TRAPPC9: variants seen among roughly 807,000 people sequenced by gnomAD.
TRAPPC9 encodes the protein IKK2 binding protein.
A neutral mutation model predicts 124.0 loss-of-function variants in TRAPPC9; 83 were observed. The ratio of observed to expected loss-of-function variants is 0.67; its 90% CI spans 0.56 to 0.80. TRAPPC9 has a LOEUF of 0.80. TRAPPC9 is among the 30% of genes least tolerant of loss of function. The probability of loss-of-function intolerance (pLI) is 0.00; values close to 1 mark genes in which losing one functional copy is unlikely to be tolerated. For missense variants in TRAPPC9, 1,302 were observed against 1,508.3 expected (o/e 0.86, Z 2.27); for synonymous variants, 638 against 617.5 (o/e 1.03, Z -0.49).
intron 21 of TRAPPC9, among the ~76,000 whole-genome samples, chr8:139,791,048 G>A (rs574171146): frequency 1.1e-3 from 173 of 152,186 alleles, no homozygotes; most frequent in Non-Finnish European, 1.9e-3. Context: ...GCAGAACCAC[G>A]AGCCAATTCA....
intron 19 of TRAPPC9, among the ~76,000 whole-genome samples, chr8:139,929,290 G>A (rs1032647558): frequency 6.6e-6 from 1 of 152,232 alleles, no homozygotes; most frequent in Non-Finnish European, 1.5e-5. Context: ...ACAGCACAGA[G>A]TGGATGATCA....
At position 140,455,721 on chromosome 8, in the gene TRAPPC9, G is replaced by T. The variant is rs181665596; in HGVS notation, c.-11+1918C>A. ...TGGGATTACAGGCGTGAGCCACCATGCCTGGCCAGGCACAGCATTATTCTT... is the reference window on the plus strand; with the variant it reads ...TGGGATTACAGGCGTGAGCCACCATTCCTGGCCAGGCACAGCATTATTCTT... On this transcript the variant is annotated intron_variant, in intron 1 of 22. Coordinates refer to ENST00000438773, the MANE Select transcript of TRAPPC9 (RefSeq NM_001160372.4). Among the ~76,000 whole-genome samples the T allele has an allele frequency of 5.3e-5, 8 of 152,262 alleles. No individual in the cohort carries two copies. In the East Asian group the frequency reaches 1.4e-3, roughly 26 times the overall value.
At chr8:140,387,613 C>G (rs1344586399) in intron 7 of TRAPPC9, among the ~76,000 whole-genome samples, 1 of 152,168 alleles carries the variant, frequency 6.6e-6, no homozygotes, top group Non-Finnish European at 1.5e-5. Context: ...AGCCAACAGA[C>G]ACATGAAAAA....
intron 17 of TRAPPC9, among the ~76,000 whole-genome samples, chr8:140,200,083 G>C (rs1232968144): frequency 1.3e-5 from 2 of 152,304 alleles, no homozygotes; most frequent in East Asian, 3.9e-4. Context: ...AGTCAACGAA[G>C]AGTAGCTGGT....
intron 15 of TRAPPC9, among the ~76,000 whole-genome samples, chr8:140,273,503 G>T (rs139373438): frequency 4.0e-4 from 61 of 152,336 alleles, no homozygotes; most frequent in African/African-American, 1.4e-3. Context: ...AAATGCAGGT[G>T]AGGCTTGCAG....
intron 17 of TRAPPC9, among the ~76,000 whole-genome samples, chr8:140,076,752 T>A (rs1400109941): frequency 6.6e-6 from 1 of 152,250 alleles, no homozygotes; most frequent in East Asian, 1.9e-4. Flanking sequence ...CAAGCTGCTA[T>A]GAGTTCATCC....
intron 18 of TRAPPC9, among the ~76,000 whole-genome samples, chr8:139,989,228 A>G (rs1176015661): frequency 1.3e-5 from 2 of 152,192 alleles, no homozygotes; most frequent in Admixed American, 1.3e-4. Context: ...AGTGCCATTC[A>G]AGGATGCTGT....
Position 140,457,723 on chromosome 8 carries a change from C to A in TRAPPC9, c.-95G>T. The A allele has an allele frequency of 3.0e-6, 3 of 993,632 alleles. No homozygotes were observed. The highest frequency in any genetic ancestry group is 3.6e-6 in the Non-Finnish European group (3 of 834,994). 61.6% of individuals were successfully genotyped at this position (993,632 alleles called of 1,614,324 possible). ...GCAGCCTCTGCGGCCACTTCCCAGG[C>A]TCTGGGCTGGCGCTTCCTACTGGCG... On this transcript the variant is annotated 5_prime_UTR_variant, in exon 1 of 23. Transcript: ENST00000438773.
intron 7 of TRAPPC9, among the ~76,000 whole-genome samples, chr8:140,396,433 G>C (rs994731047): frequency 6.6e-6 from 1 of 151,948 alleles, no homozygotes; most frequent in Non-Finnish European, 1.5e-5. Context: ...GAGCCACTGC[G>C]CCTGGCCAAG....
intron 21 of TRAPPC9, among the ~76,000 whole-genome samples, chr8:139,884,881 G>T (rs1036648500): frequency 3.3e-5 from 5 of 152,208 alleles, no homozygotes; most frequent in Admixed American, 2.0e-4. Context: ...GCTTTCACCT[G>T]TGAGGAGCCA....
chr8:140,309,975 C>T (rs762756002), intron 10 of TRAPPC9, among the ~76,000 whole-genome samples: 16 of 152,324 alleles, frequency 1.1e-4, no homozygotes, highest in Admixed American at 2.0e-4. Flanking sequence ...CCTTAAAATT[C>T]CAGTGTGGCC....
Position 140,252,792 on chromosome 8 carries a change from GCAGGAGATTCTCCTGGCAGGAGA to G in TRAPPC9, c.2393_2415del (p.Phe798SerfsTer5). The G allele has an allele frequency of 6.2e-7, 1 of 1,613,946 alleles. No individual in the cohort carries two copies. The highest frequency in any genetic ancestry group is 8.5e-7 in the Non-Finnish European group (1 of 1,179,958). The stretch of plus-strand genomic sequence containing the variant: ...AAGCGCTTACCATCACTGAGATCCT[GCAGGAGATTCTCCTGGCAGGAGA>G]AATCCAGCTTCACTTTGATGTTGAT... On this transcript the variant is annotated frameshift_variant, in exon 16 of 23. Coordinates refer to ENST00000438773, the MANE Select transcript of TRAPPC9 (RefSeq NM_001160372.4). LOFTEE classifies it high-confidence loss of function. This position sits in a 1 kb window ranked among gnomAD's most constrained non-coding sequence, Gnocchi z 4.2.
At chr8:139,847,387 G>T (rs955110238) in intron 21 of TRAPPC9, among the ~76,000 whole-genome samples, 1 of 152,258 alleles carries the variant, frequency 6.6e-6, no homozygotes, top group Non-Finnish European at 1.5e-5. Flanking sequence ...GGAAAGACAC[G>T]TGCAAGCACA....
chr8:139,879,612 A>T (rs1385232660), intron 21 of TRAPPC9, among the ~76,000 whole-genome samples: 1 of 152,092 alleles, frequency 6.6e-6, no homozygotes, highest in Non-Finnish European at 1.5e-5. Flanking sequence ...TGCCTGCAGG[A>T]TCAGGCTGCT....
At chr8:140,319,830 G>T in intron 9 of TRAPPC9, among the ~76,000 whole-genome samples, 1 of 152,202 alleles carries the variant, frequency 6.6e-6, no homozygotes, top group Admixed American at 6.5e-5. Context: ...TACAGAAGGA[G>T]AAAATATGAT....
chr8:140,149,489 AC>A (rs1434863722), intron 17 of TRAPPC9, among the ~76,000 whole-genome samples: 1 of 151,972 alleles, frequency 6.6e-6, no homozygotes, highest in African/African-American at 2.4e-5. Flanking sequence ...GTGTGGTGGC[AC>A]CTGCCTGTAA....
chr8:140,036,682 G>A (rs888792237), intron 17 of TRAPPC9, among the ~76,000 whole-genome samples: 1 of 152,100 alleles, frequency 6.6e-6, no homozygotes, highest in African/African-American at 2.4e-5. Context: ...AAGAGACGTG[G>A]CTCACAGGGA....
intron 15 of TRAPPC9, among the ~76,000 whole-genome samples, chr8:140,275,203 T>C (rs955479782): frequency 6.6e-6 from 1 of 152,068 alleles, no homozygotes; most frequent in Non-Finnish European, 1.5e-5. Flanking sequence ...CAAGGACAAA[T>C]AGCTAGTAAA....
intron 18 of TRAPPC9, among the ~76,000 whole-genome samples, chr8:139,990,082 T>C (rs1384008319): frequency 6.6e-6 from 1 of 152,210 alleles, no homozygotes; most frequent in Non-Finnish European, 1.5e-5. Context: ...ATCAGCCTAG[T>C]GTGACTTCAA....
Sources: allele counts gnomAD v4.1 joint callset (sites outside exome capture counted in the v4.1 genomes callset), GRCh38; gene constraint gnomAD v4.1.1; non-coding constraint Gnocchi (gnomAD v3.1); transcripts MANE v1.5; gene names NCBI Gene and HGNC (gene_info 2026-07-23, HGNC 2026-07-21).